The following NNT variants were observed in gnomAD, a reference collection of about 807,000 sequenced individuals.
The protein encoded by NNT is nicotinamide nucleotide transhydrogenase, also known as NAD(P) transhydrogenase, mitochondrial.
In NNT, 50 loss-of-function variants were observed where a neutral mutation model predicts 104.8. The observed-to-expected ratio is 0.48, with a 90% CI of 0.38 to 0.60. The LOEUF is 0.60. Among genes scored for constraint, NNT ranks in the 20% least tolerant of loss-of-function variants. NNT has a pLI of 0.00. For synonymous variants in NNT, 461 were observed against 490.4 expected, an observed-to-expected ratio of 0.94 and a Z score of 0.79; for missense variants, 1,131 against 1,330.7, an observed-to-expected ratio of 0.85 and a Z score of 2.33.
chr5:43,696,985 T>C lies in NNT; in HGVS notation c.2877-3134T>C, dbSNP rs111779443. Among the ~76,000 whole-genome samples, 198 of 152,284 alleles carry C rather than the reference T, an allele frequency of 1.3e-3. 1 individual carries two copies. The highest frequency in any genetic ancestry group is 4.4e-3 in the African/African-American group (184 of 41,554). ...GTCGCTGACATGCCCTGGAGAGATT[T>C]TCTCCATGGTCTTGGGGATTAACAT... On this transcript the variant is annotated intron_variant, in intron 19 of 21. Coordinates refer to ENST00000344920, the MANE Select transcript of NNT (RefSeq NM_182977.3).
At chr5:43,655,533 A>C (rs189042037) in intron 14 of NNT, among the ~76,000 whole-genome samples, 49 of 152,340 alleles carry the variant, frequency 3.2e-4, no homozygotes, top group Admixed American at 3.0e-3. Flanking sequence ...ACATAAATGA[A>C]TTTTGTGTTT....
chr5:43,644,593 A>T lies in NNT; in HGVS notation c.1099-18A>T, dbSNP rs371082816. The T allele has an allele frequency of 1.9e-6, 3 of 1,590,710 alleles. No individual in the cohort carries two copies. The highest frequency in any genetic ancestry group is 1.8e-5 in the Admixed American group (1 of 54,670). The stretch of plus-strand genomic sequence containing the variant: ...CATAGGGTGATAGACCTTTTTGACT[A>T]TAATTTTGTTCATTTAGGGAATTAC... On this transcript the variant is annotated intron_variant, in intron 8 of 21. Transcript: ENST00000344920.
chr5:43,604,860 TG>T (rs1554044536), intron 1 of NNT, among the ~76,000 whole-genome samples: 7 of 151,932 alleles, frequency 4.6e-5, no homozygotes, highest in Non-Finnish European at 1.5e-5. Context: ...TTTTTAGCAA[TG>T]GGGGTCTCAC....
intron 17 of NNT, among the ~76,000 whole-genome samples, chr5:43,668,058 A>T (rs1338295113): frequency 6.6e-6 from 1 of 152,162 alleles, no homozygotes; most frequent in Non-Finnish European, 1.5e-5. Context: ...TTGGCTGCAT[A>T]AATGTCTTCT....
chr5:43,655,348 T>A lies in NNT; in HGVS notation c.2060-492T>A, dbSNP rs572998643. ...CTGCTGTTTTGAAAGGGTATACAAG[T>A]TGAGCATCTTTAATCCGAAAATCCA... On this transcript the variant is annotated intron_variant, in intron 14 of 21. Coordinates refer to ENST00000344920, the MANE Select transcript of NNT (RefSeq NM_182977.3). Among the ~76,000 whole-genome samples the A allele has an allele frequency of 2.0e-5, 3 of 152,334 alleles. No individual in the cohort carries two copies. In the South Asian group the frequency reaches 6.2e-4, roughly 32 times the overall value.
intron 19 of NNT, among the ~76,000 whole-genome samples, chr5:43,692,182 T>C (rs145551890): frequency 2.3e-3 from 343 of 148,300 alleles, no homozygotes; most frequent in African/African-American, 8.5e-3. Context: ...AATAAAGCAT[T>C]AAAAGTTTTA....
At chr5:43,690,144 C>A (rs932145986) in intron 19 of NNT, among the ~76,000 whole-genome samples, 1 of 152,092 alleles carries the variant, frequency 6.6e-6, no homozygotes, top group Admixed American at 6.6e-5. Context: ...ATCGACACAT[C>A]CAAATAACAC....
chr5:43,618,666 C>T (rs910526931), intron 4 of NNT, among the ~76,000 whole-genome samples: 1 of 152,162 alleles, frequency 6.6e-6, no homozygotes, highest in Non-Finnish European at 1.5e-5. Context: ...TTCTACAGTA[C>T]TTGTTATGAA....
chr5:43,698,171 A>G (rs1007344238), intron 19 of NNT, among the ~76,000 whole-genome samples: 1 of 151,800 alleles, frequency 6.6e-6, no homozygotes, highest in Non-Finnish European at 1.5e-5. Flanking sequence ...TATAATATAT[A>G]ATCTTGTATT....
chr5:43,666,779 T>C, intron 17 of NNT: 1 of 1,300,388 alleles, frequency 7.7e-7, no homozygotes, highest in Non-Finnish European at 1.1e-6. Flanking sequence ...TCTGAAGGCT[T>C]TGTAGGGGCC....
intron 17 of NNT, among the ~76,000 whole-genome samples, chr5:43,666,112 G>C (rs1216932925): frequency 6.6e-6 from 1 of 151,856 alleles, no homozygotes; most frequent in African/African-American, 2.4e-5. Flanking sequence ...TCCCGGACTG[G>C]GCGGCCGGGC....
intron 17 of NNT, among the ~76,000 whole-genome samples, chr5:43,673,452 A>T (rs1741240397): frequency 6.6e-6 from 1 of 152,154 alleles, no homozygotes; most frequent in South Asian, 2.1e-4. Flanking sequence ...TCTTTTTTTA[A>T]AAAAGTTATC....
intron 6 of NNT, among the ~76,000 whole-genome samples, chr5:43,624,532 C>T (rs1048248166): frequency 6.6e-6 from 1 of 152,228 alleles, no homozygotes; most frequent in African/African-American, 2.4e-5. Flanking sequence ...ACTGGCACTT[C>T]ACCTGACTAG....
intron 17 of NNT, among the ~76,000 whole-genome samples, chr5:43,669,914 A>G (rs1054878974): frequency 6.6e-6 from 1 of 151,932 alleles, no homozygotes; most frequent in African/African-American, 2.4e-5. Flanking sequence ...CTGGTCCTGG[A>G]CTTTTTTTGG....
At chr5:43,630,901 G>A (rs6868763) in intron 7 of NNT, among the ~76,000 whole-genome samples, 6,374 of 152,278 alleles carry the variant, frequency 0.042, 163 homozygotes, top group East Asian at 0.12. Context: ...TCTCTGAGGT[G>A]CTGTGGAGAA....
chr5:43,644,920 C>A, intron 9 of NNT, 118 bp downstream of exon 9: 1 of 677,960 alleles, frequency 1.5e-6, no homozygotes, highest in Non-Finnish European at 2.3e-6. Context: ...ATTGGTATGC[C>A]AGCTTTATGC....
chr5:43,681,606 G>T (rs113365420), intron 19 of NNT, among the ~76,000 whole-genome samples: 2 of 151,994 alleles, frequency 1.3e-5, no homozygotes, highest in African/African-American at 4.8e-5. Context: ...CGCCACGTTG[G>T]CCAGGCTGGT....
intron 6 of NNT, among the ~76,000 whole-genome samples, chr5:43,627,169 T>C (rs1750414668): frequency 6.6e-6 from 1 of 152,184 alleles, no homozygotes; most frequent in Admixed American, 6.5e-5. Context: ...TGATTCCACT[T>C]GTGGTTGCAA....
At chr5:43,678,822 CTTAATTGTATTAGTGTCGGCAG>C (rs1358615326) in intron 19 of NNT, among the ~76,000 whole-genome samples, 5 of 152,162 alleles carry the variant, frequency 3.3e-5, no homozygotes, top group African/African-American at 1.2e-4. Context: ...AGGGGGCTAC[CTTAATTGTATTAGTGTCGGCAG>C]TTAATTGTAT....
Sources: allele counts gnomAD v4.1 joint callset (sites outside exome capture counted in the v4.1 genomes callset), GRCh38; gene constraint gnomAD v4.1.1; transcripts MANE v1.5; gene names NCBI Gene and HGNC (gene_info 2026-07-23, HGNC 2026-07-21).